The following METTL15 variants were observed in gnomAD, a reference collection of about 807,000 sequenced individuals.
METTL15 encodes the protein methyltransferase 15, mitochondrial 12S rRNA N4-cytidine, also known as 12S rRNA N(4)-cytidine methyltransferase METTL15.
Under a neutral mutation model 38.3 loss-of-function variants are expected in METTL15, and 34 were observed. The ratio of observed to expected loss-of-function variants is 0.89; its 90% CI spans 0.68 to 1.18. The LOEUF is 1.18. Among genes scored for constraint, METTL15 ranks in the 50% most tolerant of loss-of-function variants. METTL15 has a pLI of 0.00. For synonymous variants in METTL15, 162 were observed against 170.9 expected (o/e 0.95, Z 0.41); for missense variants, 438 against 498.4 (o/e 0.88, Z 1.15).
At chr11:28,376,498 T>G (rs1390513661) in intron 5 of METTL15, among the ~76,000 whole-genome samples, 1 of 151,800 alleles carries the variant, frequency 6.6e-6, no homozygotes, top group Non-Finnish European at 1.5e-5. Flanking sequence ...CCCTGCCTTT[T>G]TTTGTTTTCC....
At chr11:28,487,902 CAAAA>C (rs1190357257) in intron 6 of METTL15, among the ~76,000 whole-genome samples, 2 of 152,094 alleles carry the variant, frequency 1.3e-5, no homozygotes, top group Non-Finnish European at 2.9e-5. Context: ...GAGGGAACCA[CAAAA>C]CAGAAAAACT....
intron 6 of METTL15, among the ~76,000 whole-genome samples, chr11:28,320,841 G>T (rs114145154): frequency 1.5e-3 from 230 of 151,936 alleles, no homozygotes; most frequent in African/African-American, 5.3e-3. Context: ...TTTTTTTAAA[G>T]ACAATTTTTT....
intron 6 of METTL15, among the ~76,000 whole-genome samples, chr11:28,504,578 G>A (rs377384209): frequency 7.2e-4 from 110 of 152,280 alleles, no homozygotes; most frequent in Middle Eastern, 3.4e-3. Context: ...AAGGCCAATC[G>A]TTTGCAATCT....
chr11:28,438,886 AG>A (rs1436038327), intron 6 of METTL15, among the ~76,000 whole-genome samples: 1 of 151,836 alleles, frequency 6.6e-6, no homozygotes, highest in Non-Finnish European at 1.5e-5. Flanking sequence ...CATGTTGGCC[AG>A]GCTGGTCTCG....
At chr11:28,282,386 C>T (rs1856089481) in intron 4 of METTL15, among the ~76,000 whole-genome samples, 1 of 152,126 alleles carries the variant, frequency 6.6e-6, no homozygotes, top group Non-Finnish European at 1.5e-5. Context: ...AGCAGGGAAT[C>T]TAGATTAGAG....
chr11:28,272,139 C>A (rs1481125229), intron 4 of METTL15, among the ~76,000 whole-genome samples: 4 of 152,240 alleles, frequency 2.6e-5, no homozygotes, highest in South Asian at 2.1e-4. Flanking sequence ...ATTAGTTGAA[C>A]CATTGTGGAA....
intron 6 of METTL15, among the ~76,000 whole-genome samples, chr11:28,324,725 C>T (rs570148344): frequency 4.6e-5 from 7 of 152,244 alleles, no homozygotes; most frequent in Non-Finnish European, 5.9e-5. Context: ...CTCATTTAGT[C>T]ACTTATTGAT....
chr11:28,429,268 A>T (rs910278549), intron 6 of METTL15, among the ~76,000 whole-genome samples: 5 of 152,170 alleles, frequency 3.3e-5, no homozygotes, highest in Non-Finnish European at 2.9e-5. Flanking sequence ...TTAGATGACA[A>T]TTAAAGAAGA....
intron 5 of METTL15, among the ~76,000 whole-genome samples, chr11:28,375,296 T>C (rs2133379034): frequency 6.7e-6 from 1 of 148,356 alleles, no homozygotes; most frequent in Non-Finnish European, 1.5e-5. Context: ...CATCTGGTCC[T>C]GGACTCTTTT....
rs142070145 is a variant in METTL15 at position 28,216,080 on chromosome 11, C to T, written c.407+4882C>T. On this transcript the variant is annotated intron_variant, in intron 4 of 6. Transcript: ENST00000407364. ...AGAATACAAATGAAAAGAGTTAATG[C>T]TCCCTAAATTAATATATACATGTAT... 6.6e-4 allele frequency among the ~76,000 whole-genome samples: 101 copies of T among 152,130 alleles called. No homozygotes were observed. The Middle Eastern group carries it at 0.017, about 26-fold the overall frequency.
At chr11:28,170,983 A>G (rs1425239968) in intron 3 of METTL15, among the ~76,000 whole-genome samples, 1 of 152,098 alleles carries the variant, frequency 6.6e-6, no homozygotes, top group Non-Finnish European at 1.5e-5. Flanking sequence ...GAGAAAACTA[A>G]TCCTTATGCA....
intron 5 of METTL15, among the ~76,000 whole-genome samples, chr11:28,390,728 A>G (rs1211708002): frequency 6.6e-6 from 1 of 152,100 alleles, no homozygotes; most frequent in Admixed American, 6.6e-5. Context: ...TTTTGGTTCC[A>G]TATGCACTTT....
At chr11:28,385,222 C>T (rs961232461) in intron 5 of METTL15, among the ~76,000 whole-genome samples, 19 of 152,222 alleles carry the variant, frequency 1.2e-4, no homozygotes, top group Non-Finnish European at 2.2e-4. Context: ...TTTGCTCATT[C>T]CTGTGTTCTG....
chr11:28,128,348 A>T (rs934499814), intron 3 of METTL15, among the ~76,000 whole-genome samples: 4 of 152,170 alleles, frequency 2.6e-5, no homozygotes, highest in African/African-American at 9.6e-5. Flanking sequence ...AAATAATCAT[A>T]TAAATAATAA....
intron 4 of METTL15, among the ~76,000 whole-genome samples, chr11:28,262,575 A>G (rs1855251313): frequency 6.6e-6 from 1 of 152,120 alleles, no homozygotes; most frequent in East Asian, 1.9e-4. Flanking sequence ...TGACATTTTC[A>G]GGACTGAGAT....
At chr11:28,215,039 G>A (rs1444454707) in intron 4 of METTL15, among the ~76,000 whole-genome samples, 1 of 152,150 alleles carries the variant, frequency 6.6e-6, no homozygotes, top group Non-Finnish European at 1.5e-5. Context: ...CAAAGATATA[G>A]AGAGAACTAT....
intron 6 of METTL15, among the ~76,000 whole-genome samples, chr11:28,306,679 G>A (rs1316109026): frequency 6.6e-6 from 1 of 151,974 alleles, no homozygotes. Flanking sequence ...TTGAAGACAA[G>A]CATATGCTTT....
chr11:28,502,177 C>G (rs1358468849), intron 6 of METTL15, among the ~76,000 whole-genome samples: 1 of 151,628 alleles, frequency 6.6e-6, no homozygotes, highest in Non-Finnish European at 1.5e-5. Flanking sequence ...CAGCTATCTT[C>G]TTGGAGAGGA....
At chr11:28,371,299 T>C (rs926528322) in intron 5 of METTL15, among the ~76,000 whole-genome samples, 5 of 152,098 alleles carry the variant, frequency 3.3e-5, no homozygotes, top group South Asian at 2.1e-4. Context: ...TTCACTATTG[T>C]ATGTTCTCGG....
Sources: allele counts gnomAD v4.1 joint callset (sites outside exome capture counted in the v4.1 genomes callset), GRCh38; gene constraint gnomAD v4.1.1; transcripts MANE v1.5; gene names NCBI Gene and HGNC (gene_info 2026-07-23, HGNC 2026-07-21).